The following PPARGC1A variants were observed in gnomAD, a reference collection of about 807,000 sequenced individuals.
PPARGC1A encodes the protein peroxisome proliferator-activated receptor gamma coactivator 1-alpha.
PPARGC1A carries 25 observed loss-of-function variants against 88.7 expected under a neutral mutation model. The ratio of observed to expected loss-of-function variants is 0.28; its 90% confidence interval spans 0.21 to 0.39. The LOEUF is 0.39. PPARGC1A is among the 10% of genes least tolerant of loss of function. PPARGC1A has a pLI of 1.00. For missense variants in PPARGC1A, 880 were observed against 968.7 expected (o/e 0.91, Z 1.22); for synonymous variants, 363 against 355.6 (o/e 1.02, Z -0.24).
the PPARGC1A span, among the ~76,000 whole-genome samples, chr4:24,304,811 A>G: frequency 3.3e-5 from 5 of 152,156 alleles, no homozygotes; most frequent in African/African-American, 4.8e-5. Context: ...GAAGGTATAT[A>G]TCTTATAAAG....
chr4:23,908,366 AT>A (rs1304177766), upstream of PPARGC1A, among the ~76,000 whole-genome samples: 4 of 152,204 alleles, frequency 2.6e-5, no homozygotes, highest in Non-Finnish European at 5.9e-5. Flanking sequence ...GAATATCTGT[AT>A]CATAAAACTA....
At chr4:24,294,345 T>C in the PPARGC1A span, among the ~76,000 whole-genome samples, 74 of 152,314 alleles carry the variant, frequency 4.9e-4, 1 homozygote, top group Non-Finnish European at 8.4e-4. Flanking sequence ...ACAGGTAATG[T>C]CTTTAAAATG....
chr4:23,852,961 A>G (rs755192984), intron 2 of PPARGC1A, among the ~76,000 whole-genome samples: 1 of 152,186 alleles, frequency 6.6e-6, no homozygotes, highest in Non-Finnish European at 1.5e-5. Flanking sequence ...TGTCTTTTGC[A>G]GGTTAACAGG....
At chr4:23,979,911 C>A in the PPARGC1A span, among the ~76,000 whole-genome samples, 1 of 152,132 alleles carries the variant, frequency 6.6e-6, no homozygotes, top group Admixed American at 6.5e-5. Flanking sequence ...GGAGAACCAT[C>A]CCTCTCTCTA....
At chr4:24,178,572 G>GA in the PPARGC1A span, among the ~76,000 whole-genome samples, 1 of 152,082 alleles carries the variant, frequency 6.6e-6, no homozygotes, top group Admixed American at 6.6e-5. Context: ...TAACTGTAGA[G>GA]AAAAAATAAG....
At chr4:24,314,072 C>T in the PPARGC1A span, among the ~76,000 whole-genome samples, 13 of 152,088 alleles carry the variant, frequency 8.5e-5, 1 homozygote, top group African/African-American at 2.9e-4. Flanking sequence ...TAAAGAACAC[C>T]TAAAACAATA....
the PPARGC1A span, among the ~76,000 whole-genome samples, chr4:24,124,125 A>G: frequency 2.6e-5 from 4 of 152,180 alleles, no homozygotes; most frequent in African/African-American, 9.6e-5. Context: ...ACCTTCAAAA[A>G]CCAAACGATA....
chr4:23,947,193 T>A, the PPARGC1A span, among the ~76,000 whole-genome samples: 1 of 151,704 alleles, frequency 6.6e-6, no homozygotes, highest in Non-Finnish European at 1.5e-5. Context: ...AAGATGACAA[T>A]GATGATTCCA....
At chr4:24,089,698 G>C in the PPARGC1A span, among the ~76,000 whole-genome samples, 1 of 152,060 alleles carries the variant, frequency 6.6e-6, no homozygotes, top group African/African-American at 2.4e-5. Context: ...ATTTTTGGTA[G>C]AGACGGGGTT....
At chr4:23,924,451 C>T in the PPARGC1A span, among the ~76,000 whole-genome samples, 1 of 152,084 alleles carries the variant, frequency 6.6e-6, no homozygotes, top group Non-Finnish European at 1.5e-5. Flanking sequence ...CAGGGTGAAA[C>T]CCCATCTCTA....
chr4:24,289,399 C>T, the PPARGC1A span, among the ~76,000 whole-genome samples: 2 of 152,022 alleles, frequency 1.3e-5, no homozygotes, highest in Non-Finnish European at 2.9e-5. Flanking sequence ...CAAGGTTGGC[C>T]CCTCTAACAT....
chr4:24,146,021 C>T, the PPARGC1A span, among the ~76,000 whole-genome samples: 1 of 152,056 alleles, frequency 6.6e-6, no homozygotes, highest in African/African-American at 2.4e-5. Context: ...AGCTTCAAGG[C>T]CAAATGAGTT....
At chr4:24,357,756 A>G in the PPARGC1A span, among the ~76,000 whole-genome samples, 1 of 152,166 alleles carries the variant, frequency 6.6e-6, no homozygotes, top group South Asian at 2.1e-4. Flanking sequence ...GTCTCATGAT[A>G]TCTGATGGTT....
the PPARGC1A span, among the ~76,000 whole-genome samples, chr4:24,437,613 TTGTTG>T: frequency 6.6e-6 from 1 of 151,692 alleles, no homozygotes; most frequent in Non-Finnish European, 1.5e-5. Context: ...GTTGTTGTTG[TTGTTG>T]TTGTTGTTGT....
chr4:24,329,082 G>A, the PPARGC1A span, among the ~76,000 whole-genome samples: 1 of 152,096 alleles, frequency 6.6e-6, no homozygotes, highest in South Asian at 2.1e-4. Context: ...AGATAAGGAT[G>A]CTATTACGGG....
the PPARGC1A span, among the ~76,000 whole-genome samples, chr4:24,412,760 C>T: frequency 2.0e-5 from 3 of 152,200 alleles, no homozygotes; most frequent in South Asian, 2.1e-4. Flanking sequence ...GATTACAGGG[C>T]CTGAGCCACC....
At chr4:24,338,901 A>C in the PPARGC1A span, among the ~76,000 whole-genome samples, 10 of 152,122 alleles carry the variant, frequency 6.6e-5, no homozygotes, top group Admixed American at 6.5e-5. Context: ...ACTTTTAAAA[A>C]TCTTTATTAT....
the PPARGC1A span, among the ~76,000 whole-genome samples, chr4:24,348,182 A>G: frequency 6.6e-6 from 1 of 152,160 alleles, no homozygotes; most frequent in Admixed American, 6.5e-5. Context: ...TCTGCCATTA[A>G]TCTGACAGGT....
chr4:24,454,189 G>A, the PPARGC1A span, among the ~76,000 whole-genome samples: 17 of 151,404 alleles, frequency 1.1e-4, no homozygotes, highest in African/African-American at 4.1e-4. Context: ...GCTGACTGAA[G>A]ACATAAGTGA....
Sources: gnomAD v4.1 joint callset for allele counts (sites outside exome capture counted in the v4.1 genomes callset) on GRCh38, gnomAD v4.1.1 for gene constraint, MANE v1.5 for transcripts, NCBI Gene and HGNC (gene_info 2026-07-23, HGNC 2026-07-21) for gene names.